Variants in KIAA1549 observed in about 807,000 individuals in gnomAD.
KIAA1549 encodes UPF0606 protein KIAA1549.
Under a neutral mutation model 156.4 loss-of-function variants are expected in KIAA1549, and 70 were observed. The ratio of observed to expected loss-of-function variants is 0.45; its 90% CI spans 0.37 to 0.55. The LOEUF is 0.55. Among genes scored for constraint, KIAA1549 ranks in the 20% least tolerant of loss-of-function variants. The probability of loss-of-function intolerance (pLI) is 0.00; values close to 1 mark genes in which losing one functional copy is unlikely to be tolerated. For missense variants in KIAA1549, 2,428 were observed against 2,540.9 expected, an observed-to-expected ratio of 0.96 and a Z score of 0.96; for synonymous variants, 1,103 against 1,066.4, an observed-to-expected ratio of 1.03 and a Z score of -0.67.
At chr7:138,864,091 G>A (rs891574769) in intron 15 of KIAA1549, among the ~76,000 whole-genome samples, 2 of 152,188 alleles carry the variant, frequency 1.3e-5, no homozygotes, top group South Asian at 4.2e-4. Flanking sequence ...ACAGCCCACT[G>A]GTAAAAGGGT....
At position 138,835,181 on chromosome 7, in the gene KIAA1549, C is replaced by T. The variant is rs1291966648; in HGVS notation, c.*2725G>A. The stretch of plus-strand genomic sequence containing the variant: ...TGACGTGAACTTAATGTCTGAAGAC[C>T]GCTAGGGTACGGTGCTGCTCACACA... On this transcript the variant is annotated 3_prime_UTR_variant, in exon 20 of 20. Transcript: ENST00000422774. 6 of 212,540 alleles carry T rather than the reference C, an allele frequency of 2.8e-5. No homozygotes were observed. The highest frequency in any genetic ancestry group is 5.5e-5 in the Non-Finnish European group (6 of 108,730). 13.2% of individuals were successfully genotyped at this position (212,540 alleles called of 1,614,324 possible).
intron 1 of KIAA1549, among the ~76,000 whole-genome samples, chr7:138,965,646 G>A (rs566640836): frequency 1.3e-4 from 20 of 152,144 alleles, no homozygotes; most frequent in African/African-American, 2.9e-4. Flanking sequence ...AGTGTGAAGC[G>A]AAAAAAAGCA....
intron 1 of KIAA1549, among the ~76,000 whole-genome samples, chr7:138,938,441 C>T (rs1813081685): frequency 6.6e-6 from 1 of 150,706 alleles, no homozygotes; most frequent in African/African-American, 2.4e-5. Flanking sequence ...TTTCCCAAAC[C>T]CCCTGTTCTG....
At position 138,833,706 on chromosome 7, in the gene KIAA1549, C is replaced by T; in HGVS notation, c.*4200G>A. On this transcript the variant is annotated 3_prime_UTR_variant, in exon 20 of 20. Coordinates refer to ENST00000422774, the MANE Select transcript of KIAA1549 (RefSeq NM_001164665.2). The stretch of plus-strand genomic sequence containing the variant: ...ACAGACAGATAGATAACCCACTATG[C>T]TCCACAAAGGATATGGCGTGGCCAA... 4.3e-6 allele frequency: 1 copy of T among 232,986 alleles called. No homozygotes were observed. Among genetic ancestry groups the T allele is most frequent in the Non-Finnish European group, 8.5e-6 (1 of 117,888 alleles). 14.4% of individuals were successfully genotyped at this position (232,986 alleles called of 1,614,324 possible).
In KIAA1549 at chr7:138,834,247, C is replaced by A. The variant is rs1465281479; in HGVS notation, c.*3659G>T. 1.1e-5 allele frequency: 2 copies of A among 188,448 alleles called. No homozygotes were observed. The highest frequency in any genetic ancestry group is 2.2e-5 in the Non-Finnish European group (2 of 89,534). 11.7% of individuals were successfully genotyped at this position (188,448 alleles called of 1,614,324 possible). ...CAATCTCAGCTCACTGCAACCTCCA[C>A]CCCCCGGGTTCAAGCAATTATCGTG... On this transcript the variant is annotated 3_prime_UTR_variant, in exon 20 of 20. Transcript: ENST00000422774.
intron 1 of KIAA1549, among the ~76,000 whole-genome samples, chr7:138,979,421 A>G (rs1019691043): frequency 2.6e-5 from 4 of 152,220 alleles, no homozygotes; most frequent in African/African-American, 4.8e-5. Flanking sequence ...AGCATGTCAT[A>G]GAGTCTGAAG....
intron 19 of KIAA1549, among the ~76,000 whole-genome samples, chr7:138,838,535 A>G (rs1809816120): frequency 6.6e-6 from 1 of 152,266 alleles, no homozygotes; most frequent in South Asian, 2.1e-4. Context: ...GTGTGTGTCT[A>G]CTGAGGGCTC....
At chr7:138,901,291 T>C (rs1374684472) in intron 8 of KIAA1549, among the ~76,000 whole-genome samples, 3 of 152,036 alleles carry the variant, frequency 2.0e-5, no homozygotes, top group East Asian at 1.9e-4. Context: ...TTGGATTACA[T>C]GGCATACATA....
chr7:138,854,539 TTTTC>T (rs1810328722), intron 16 of KIAA1549, among the ~76,000 whole-genome samples: 1 of 152,160 alleles, frequency 6.6e-6, no homozygotes, highest in Admixed American at 6.5e-5. Context: ...TTCCTGTGGT[TTTTC>T]TTTTTTTTTA....
At chr7:138,943,225 C>T (rs953681269) in intron 1 of KIAA1549, among the ~76,000 whole-genome samples, 1 of 152,170 alleles carries the variant, frequency 6.6e-6, no homozygotes, top group African/African-American at 2.4e-5. Context: ...CCCCTCGAGT[C>T]CCACAAAGGC....
At chr7:138,900,449 T>A (rs1476515883) in intron 8 of KIAA1549, among the ~76,000 whole-genome samples, 1 of 152,236 alleles carries the variant, frequency 6.6e-6, no homozygotes, top group Non-Finnish European at 1.5e-5. Flanking sequence ...TATTCCATTT[T>A]AAAAGTTCTA....
In KIAA1549 at chr7:138,894,453, G is replaced by T. The variant is rs991530418; in HGVS notation, c.3921C>A (p.Ile1307=). ...CAATCACCATCACCACCAGCACTGG[G>T]ATGACCACGCCAACAATGACCCACA... ...NNLWVIVGVV[I]PVLVVMVIVV... Residue 1307 remains isoleucine, a synonymous_variant, in exon 10 of 20, where the codon ATC becomes ATA. Coordinates refer to ENST00000422774, the MANE Select transcript of KIAA1549 (RefSeq NM_001164665.2). 4.3e-6 allele frequency: 7 copies of T among 1,614,042 alleles called. No individual in the cohort carries two copies. Among genetic ancestry groups the T allele is most frequent in the Non-Finnish European group, 5.9e-6 (7 of 1,179,906 alleles).
rs565063232 is a variant in KIAA1549 at position 138,834,973 on chromosome 7, A to G, written c.*2933T>C. 1.9e-5 allele frequency: 3 copies of G among 161,302 alleles called. No homozygotes were observed. The highest frequency in any genetic ancestry group is 4.2e-4 in the South Asian group (2 of 4,746). 10.0% of individuals were successfully genotyped at this position (161,302 alleles called of 1,614,324 possible). ...TCAGTGAGTGACAAAGTAGTCTCTG[A>G]AAAAAAAAAAAACAACATTTCTCCA... is the stretch of plus-strand genomic sequence containing the variant. On this transcript the variant is annotated 3_prime_UTR_variant, in exon 20 of 20. Coordinates refer to ENST00000422774, the MANE Select transcript of KIAA1549 (RefSeq NM_001164665.2).
intron 19 of KIAA1549, among the ~76,000 whole-genome samples, chr7:138,839,745 C>T (rs560835672): frequency 6.8e-6 from 1 of 146,146 alleles, no homozygotes; most frequent in Non-Finnish European, 1.5e-5. Flanking sequence ...GGACCCCCCC[C>T]AAAGCAGAAG....
intron 10 of KIAA1549, among the ~76,000 whole-genome samples, chr7:138,883,052 GA>G (rs986601298): frequency 4.3e-4 from 56 of 130,372 alleles, no homozygotes; most frequent in Middle Eastern, 5.4e-3. Context: ...AGGAGTTCGA[GA>G]CCAGCCTGGC....
At chr7:138,893,646 G>T (rs1811603857) in intron 10 of KIAA1549, among the ~76,000 whole-genome samples, 1 of 152,246 alleles carries the variant, frequency 6.6e-6, no homozygotes. Flanking sequence ...ATCAAGGTGG[G>T]TAAGTGGGCT....
At chr7:138,869,486 C>A in intron 14 of KIAA1549, 52 bp downstream of exon 14, 1 of 1,417,016 alleles carries the variant, frequency 7.1e-7, no homozygotes, top group Non-Finnish European at 9.7e-7. Flanking sequence ...CTGTGCCCCC[C>A]GCAGCACCTC....
chr7:138,980,996 G>A, intron 1 of KIAA1549, 87 bp downstream of exon 1: 1 of 1,132,600 alleles, frequency 8.8e-7, no homozygotes, highest in Non-Finnish European at 1.1e-6. Context: ...AAAAGAGGAT[G>A]GGCGGGGAAA....
rs1038416229 is a variant in KIAA1549, at chr7:138,836,112, T to G, written c.*1794A>C. ...AAACTTGACACAGATACACAGGTTT[T>G]GATCAGTCAGAGCCCCAAATTCTAT... On this transcript the variant is annotated 3_prime_UTR_variant, in exon 20 of 20. Coordinates refer to ENST00000422774, the MANE Select transcript of KIAA1549 (RefSeq NM_001164665.2). The G allele has an allele frequency of 4.2e-5, 9 of 213,634 alleles. No individual in the cohort carries two copies. The highest frequency in any genetic ancestry group is 6.8e-5 in the African/African-American group (3 of 44,364). 13.2% of individuals were successfully genotyped at this position (213,634 alleles called of 1,614,324 possible). A position where few individuals can be genotyped will look rare whatever the true frequency, so the allele number is the denominator to read the frequency against.
Sources: gnomAD v4.1 joint callset for allele counts (sites outside exome capture counted in the v4.1 genomes callset) on GRCh38, gnomAD v4.1.1 for gene constraint, MANE v1.5 for transcripts, NCBI Gene and HGNC (gene_info 2026-07-23, HGNC 2026-07-21) for gene names.